Variants in STX18 observed in about 807,000 individuals in gnomAD.
STX18 encodes the protein syntaxin-18.
A neutral mutation model predicts 50.1 loss-of-function variants in STX18; 40 were observed. The ratio of observed to expected loss-of-function variants is 0.80; its 90% CI spans 0.62 to 1.04. The LOEUF is 1.04. Ranked by LOEUF, STX18 falls within the 50% of genes least tolerant of loss-of-function variation. STX18 has a pLI of 0.00. For synonymous variants in STX18, 158 were observed against 151.8 expected, an observed-to-expected ratio of 1.04 and a Z score of -0.30; for missense variants, 410 against 415.8, an observed-to-expected ratio of 0.99 and a Z score of 0.12.
chr4:4,419,974 G>C lies in STX18; in HGVS notation c.*60C>G. ...CCATGCTCCAGCACTGGAAGTACAT[G>C]AAAGCACGCAGTCTGTGAGTGCCCA... On this transcript the variant is annotated 3_prime_UTR_variant, in exon 11 of 11. Transcript: ENST00000306200. The C allele has an allele frequency of 7.1e-7, 1 of 1,408,980 alleles. No individual in the cohort carries two copies. Among genetic ancestry groups the C allele is most frequent in the Non-Finnish European group, 9.8e-7 (1 of 1,015,350 alleles). 87.3% of individuals were successfully genotyped at this position (1,408,980 alleles called of 1,614,324 possible). A position where few individuals can be genotyped will look rare whatever the true frequency, so the allele number is the denominator to read the frequency against.
At position 4,421,000 on chromosome 4, in the gene STX18, C is replaced by G. The variant is rs529003410; in HGVS notation, c.832-56G>C. On this transcript the variant is annotated intron_variant, in intron 9 of 10. Transcript: ENST00000306200. The surrounding 1 kb of genome is among the most constrained non-coding windows in gnomAD (Gnocchi z 4.3). Reference sequence around the variant, plus strand: ...TATCCTTTATCCAAAAACCTGAAACCCAAAATGCTCCAACGAGCATTTCCT... The same window carrying G: ...TATCCTTTATCCAAAAACCTGAAACGCAAAATGCTCCAACGAGCATTTCCT... The G allele has an allele frequency of 2.6e-6, 4 of 1,532,960 alleles. No homozygotes were observed. The Admixed American group carries it at 6.7e-5, about 26-fold the overall frequency. The allele number at this position is 1,532,960 out of a possible 1,614,324, so 95.0% of individuals were successfully genotyped here. A position where few individuals can be genotyped will look rare whatever the true frequency, so the allele number is the denominator to read the frequency against.
chr4:4,443,199 T>C (rs1205182334), intron 5 of STX18, among the ~76,000 whole-genome samples: 1 of 152,208 alleles, frequency 6.6e-6, no homozygotes, highest in East Asian at 1.9e-4. Context: ...ATAACAATAA[T>C]ATGAAAAAGT....
chr4:4,459,074 A>G (rs1314874989), intron 3 of STX18, among the ~76,000 whole-genome samples: 1 of 151,644 alleles, frequency 6.6e-6, no homozygotes, highest in Admixed American at 6.6e-5. Context: ...ACACACACAC[A>G]CACACACACA....
At chr4:4,488,976 TC>T (rs1728815800) in intron 1 of STX18, among the ~76,000 whole-genome samples, 1 of 152,152 alleles carries the variant, frequency 6.6e-6, no homozygotes, top group African/African-American at 2.4e-5. Context: ...TTGTCAGATG[TC>T]AATAATTTAA....
At chr4:4,491,777 T>C (rs924653897) in intron 1 of STX18, among the ~76,000 whole-genome samples, 4 of 152,142 alleles carry the variant, frequency 2.6e-5, no homozygotes, top group African/African-American at 9.6e-5. Context: ...AGCCACAGTG[T>C]AATATACGTT....
At chr4:4,540,384 C>A (rs922171445) in intron 1 of STX18, among the ~76,000 whole-genome samples, 3 of 152,228 alleles carry the variant, frequency 2.0e-5, no homozygotes, top group African/African-American at 4.8e-5. Context: ...GAGAGTCCCA[C>A]ATTCCAGTCT....
chr4:4,531,634 C>T (rs1731101281), intron 1 of STX18, among the ~76,000 whole-genome samples: 1 of 152,172 alleles, frequency 6.6e-6, no homozygotes, highest in Admixed American at 6.5e-5. Context: ...ACTGAGCACA[C>T]CAGGCTCATG....
At chr4:4,535,411 C>G (rs1195352998) in intron 1 of STX18, among the ~76,000 whole-genome samples, 1 of 152,170 alleles carries the variant, frequency 6.6e-6, no homozygotes, top group Non-Finnish European at 1.5e-5. Context: ...CTGAGCTCTC[C>G]TTATAGTACA....
chr4:4,427,184 C>CA (rs896806404), intron 7 of STX18, among the ~76,000 whole-genome samples: 13 of 152,274 alleles, frequency 8.5e-5, no homozygotes, highest in Non-Finnish European at 1.5e-4. Flanking sequence ...CCCGGCTACT[C>CA]AAAACACAAG....
At chr4:4,438,940 T>C (rs1725938095) in intron 5 of STX18, among the ~76,000 whole-genome samples, 1 of 149,830 alleles carries the variant, frequency 6.7e-6, no homozygotes, top group Non-Finnish European at 1.5e-5. Context: ...TATATATATA[T>C]ATACCCCCAC....
chr4:4,534,984 CG>C (rs1731265315), intron 1 of STX18, among the ~76,000 whole-genome samples: 1 of 152,252 alleles, frequency 6.6e-6, no homozygotes, highest in African/African-American at 2.4e-5. Flanking sequence ...GACCCTCACC[CG>C]GGCCTCCTCC....
intron 1 of STX18, among the ~76,000 whole-genome samples, chr4:4,474,196 A>G (rs1728061752): frequency 6.6e-6 from 1 of 152,086 alleles, no homozygotes; most frequent in Non-Finnish European, 1.5e-5. Flanking sequence ...CCATTCCCGC[A>G]CAAAACGCTA....
chr4:4,505,025 T>C (rs1320316363), intron 1 of STX18, among the ~76,000 whole-genome samples: 1 of 152,194 alleles, frequency 6.6e-6, no homozygotes, highest in Non-Finnish European at 1.5e-5. Flanking sequence ...CAATCTGTTT[T>C]AGAACATTTT....
At chr4:4,482,801 T>A (rs1199448066) in intron 1 of STX18, among the ~76,000 whole-genome samples, 1 of 152,212 alleles carries the variant, frequency 6.6e-6, no homozygotes, top group Non-Finnish European at 1.5e-5. Flanking sequence ...ACTTTCCACC[T>A]TCCTTGAGGC....
intron 1 of STX18, among the ~76,000 whole-genome samples, chr4:4,520,952 T>C (rs1370517866): frequency 2.0e-5 from 3 of 152,180 alleles, no homozygotes; most frequent in African/African-American, 7.2e-5. Context: ...AACAACATTG[T>C]ACAATTTATC....
chr4:4,518,658 C>T (rs1023879396), intron 1 of STX18, among the ~76,000 whole-genome samples: 1 of 152,124 alleles, frequency 6.6e-6, no homozygotes, highest in Non-Finnish European at 1.5e-5. Context: ...ATTCCTTCCT[C>T]TCTCTTTTCC....
Position 4,420,257 on chromosome 4 carries a change from G to T in STX18, c.913-128C>A. The T allele has an allele frequency of 1.4e-6, 1 of 692,296 alleles. No individual in the cohort carries two copies. The highest frequency in any genetic ancestry group is 1.8e-5 in the African/African-American group (1 of 56,286). 42.9% of individuals were successfully genotyped at this position (692,296 alleles called of 1,614,324 possible). ...TAACTATGGGTGTCGTTCCATCTGT[G>T]CTTACCTTGAATAGATGGCTTTTGA... On this transcript the variant is annotated intron_variant, in intron 10 of 10. Transcript: ENST00000306200. This position sits in a 1 kb window ranked among gnomAD's most constrained non-coding sequence, Gnocchi z 4.3.
intron 1 of STX18, among the ~76,000 whole-genome samples, chr4:4,527,865 C>CATATATATATATATATATATAT (rs1164396031): frequency 2.9e-5 from 3 of 103,504 alleles, no homozygotes; most frequent in African/African-American, 1.1e-4. Context: ...CACACACACA[C>CATATATATATATATATATATAT]ACATATATAT....
At chr4:4,499,782 T>C (rs1729349282) in intron 1 of STX18, among the ~76,000 whole-genome samples, 1 of 152,056 alleles carries the variant, frequency 6.6e-6, no homozygotes, top group South Asian at 2.1e-4. Flanking sequence ...AGGAACTAAC[T>C]AGTAGGCACT....
Sources: allele counts gnomAD v4.1 joint callset (sites outside exome capture counted in the v4.1 genomes callset), GRCh38; gene constraint gnomAD v4.1.1; non-coding constraint Gnocchi (gnomAD v3.1); transcripts MANE v1.5; gene names NCBI Gene and HGNC (gene_info 2026-07-23, HGNC 2026-07-21).